VAV3: variants seen among roughly 807,000 people sequenced by gnomAD.
The protein encoded by VAV3 is vav guanine nucleotide exchange factor 3.
Under a neutral mutation model 131.2 loss-of-function variants are expected in VAV3, and 94 were observed. The ratio of observed to expected loss-of-function variants is 0.72; its 90% CI spans 0.61 to 0.85. The LOEUF (loss-of-function observed/expected upper bound fraction) is 0.85. Among genes scored for constraint, VAV3 ranks in the 40% least tolerant of loss-of-function variants. The pLI is 0.00. For missense variants in VAV3, 939 were observed against 1,002.7 expected (o/e 0.94, Z 0.86); for synonymous variants, 349 against 342.0 (o/e 1.02, Z -0.22).
chr1:107,797,557 A>T (rs1304269161), intron 2 of VAV3, among the ~76,000 whole-genome samples: 1 of 152,208 alleles, frequency 6.6e-6, no homozygotes, highest in Non-Finnish European at 1.5e-5. Flanking sequence ...TTTCTGGGTC[A>T]AGGGAGGTTC....
At position 107,704,617 on chromosome 1, in the gene VAV3, C is replaced by G; in HGVS notation, c.1638G>C (p.Lys546Asn). 15 of 1,613,860 alleles carry G rather than the reference C, an allele frequency of 9.3e-6. No homozygotes were observed. Among genetic ancestry groups the G allele is most frequent in the Non-Finnish European group, 1.3e-5 (15 of 1,179,878 alleles). Residue 546 changes from lysine to asparagine, a missense_variant, in exon 17 of 27, where the codon AAG (lysine) becomes AAC (asparagine). By Grantham distance (94) the Lys-to-Asn change is moderately conservative. Coordinates refer to ENST00000370056, the MANE Select transcript of VAV3 (RefSeq NM_006113.5). ...GTFYQGYLCF[K>N]CGARAHKECL... ...ATTCTTTGTGTGCTCTCGCTCCACA[C>G]TTAAAACATAAATAGCCTTGATAAA...
chr1:107,770,370 C>T (rs1304989730), intron 6 of VAV3, among the ~76,000 whole-genome samples: 3 of 151,864 alleles, frequency 2.0e-5, no homozygotes, highest in Admixed American at 6.6e-5. Flanking sequence ...TGCTTACATT[C>T]TAATCCTCCC....
At chr1:107,597,894 A>G (rs1452058373) in intron 24 of VAV3, among the ~76,000 whole-genome samples, 1 of 152,202 alleles carries the variant, frequency 6.6e-6, no homozygotes, top group African/African-American at 2.4e-5. Context: ...ATGGCTCCTT[A>G]TAACTTTCAC....
intron 17 of VAV3, among the ~76,000 whole-genome samples, chr1:107,693,118 A>G (rs193102695): frequency 6.6e-6 from 1 of 152,288 alleles, no homozygotes; most frequent in Admixed American, 6.5e-5. Context: ...AGAAGCTTGC[A>G]TAGTGGAGTT....
intron 15 of VAV3, among the ~76,000 whole-genome samples, chr1:107,734,405 C>G (rs1662457722): frequency 1.3e-5 from 2 of 152,152 alleles, no homozygotes; most frequent in Admixed American, 6.5e-5. Flanking sequence ...TTAAAAGACA[C>G]AGACTGTCAA....
At chr1:107,908,355 T>C (rs1397863956) in intron 1 of VAV3, among the ~76,000 whole-genome samples, 1 of 152,240 alleles carries the variant, frequency 6.6e-6, no homozygotes, top group East Asian at 1.9e-4. Context: ...GGTGGCTTCC[T>C]ATGATTCTCT....
At chr1:107,755,403 C>T (rs1269439068) in intron 12 of VAV3, 24 bp downstream of exon 12, 1 of 1,543,124 alleles carries the variant, frequency 6.5e-7, no homozygotes, top group Non-Finnish European at 9.0e-7. Flanking sequence ...TGAGGGGAAG[C>T]TGGATGGAAA....
rs77393006 is a variant in VAV3, at chr1:107,698,277, T to C, written c.1705+6273A>G. 4.3e-4 allele frequency among the ~76,000 whole-genome samples: 65 copies of C among 152,304 alleles called. No homozygotes were observed. In the East Asian group the frequency reaches 0.011, roughly 25 times the overall value. ...CTAGACTTTAATATTTGAATTTTGA[T>C]ATTTTCCCGGGCGAGCAACATGCCC... is the stretch of plus-strand genomic sequence containing the variant. On this transcript the variant is annotated intron_variant, in intron 17 of 26. Coordinates refer to ENST00000370056, the MANE Select transcript of VAV3 (RefSeq NM_006113.5).
intron 1 of VAV3, among the ~76,000 whole-genome samples, chr1:107,879,235 A>G (rs901282040): frequency 6.6e-6 from 1 of 152,168 alleles, no homozygotes; most frequent in African/African-American, 2.4e-5. Context: ...ATTTTCATTT[A>G]TACAATAAAT....
intron 17 of VAV3, among the ~76,000 whole-genome samples, chr1:107,698,532 A>G (rs1427783657): frequency 2.6e-5 from 4 of 152,216 alleles, no homozygotes; most frequent in African/African-American, 9.6e-5. Context: ...TCCACTTACA[A>G]TGGCTTAATG....
intron 19 of VAV3, among the ~76,000 whole-genome samples, chr1:107,650,531 A>T (rs758014454): frequency 5.0e-4 from 75 of 149,912 alleles, no homozygotes; most frequent in Non-Finnish European, 8.2e-4. Context: ...CTTTTTTTTT[A>T]AATTTTTATT....
At chr1:107,621,671 G>A (rs1653617982) in intron 20 of VAV3, among the ~76,000 whole-genome samples, 1 of 152,022 alleles carries the variant, frequency 6.6e-6, no homozygotes, top group African/African-American at 2.4e-5. Context: ...ATTTTATTCT[G>A]GGTCAGATAA....
intron 19 of VAV3, among the ~76,000 whole-genome samples, chr1:107,657,491 G>A (rs535882633): frequency 1.3e-5 from 2 of 152,232 alleles, no homozygotes; most frequent in South Asian, 2.1e-4. Context: ...AGAAAAGGAC[G>A]GCTAAGAAAG....
At chr1:107,625,910 G>A (rs192219820) in intron 20 of VAV3, among the ~76,000 whole-genome samples, 2 of 151,980 alleles carry the variant, frequency 1.3e-5, no homozygotes, top group Non-Finnish European at 2.9e-5. Context: ...CAAACTTTTA[G>A]TCATTATGGC....
chr1:107,691,897 T>C (rs1659449948), intron 17 of VAV3, among the ~76,000 whole-genome samples: 1 of 152,194 alleles, frequency 6.6e-6, no homozygotes, highest in Non-Finnish European at 1.5e-5. Flanking sequence ...ATGGAAGCTT[T>C]AAATTTCAAG....
intron 20 of VAV3, among the ~76,000 whole-genome samples, chr1:107,634,693 A>G (rs7416505): frequency 0.36 from 52,241 of 146,140 alleles, 9,606 homozygotes; most frequent in East Asian, 0.46. Context: ...GCAACCTACA[A>G]CATGGGAGAA....
At chr1:107,673,967 T>C (rs1043616319) in intron 19 of VAV3, among the ~76,000 whole-genome samples, 1 of 152,212 alleles carries the variant, frequency 6.6e-6, no homozygotes, top group Non-Finnish European at 1.5e-5. Flanking sequence ...AGCTCAAGTG[T>C]CATTTTTTAA....
At chr1:107,662,440 T>G (rs1385316538) in intron 19 of VAV3, among the ~76,000 whole-genome samples, 4 of 152,154 alleles carry the variant, frequency 2.6e-5, no homozygotes, top group Admixed American at 2.6e-4. Context: ...GTGGAGACAA[T>G]AATGTCACAG....
chr1:107,628,284 G>A (rs1334656944), intron 20 of VAV3, among the ~76,000 whole-genome samples: 1 of 152,138 alleles, frequency 6.6e-6, no homozygotes, highest in African/African-American at 2.4e-5. Context: ...GTAAAAAAAA[G>A]CAAGTCACCT....
Sources: allele counts gnomAD v4.1 joint callset (sites outside exome capture counted in the v4.1 genomes callset), GRCh38; gene constraint gnomAD v4.1.1; transcripts MANE v1.5; gene names NCBI Gene and HGNC (gene_info 2026-07-23, HGNC 2026-07-21).